CIMIP6: variants seen among roughly 807,000 people sequenced by gnomAD.
CIMIP6 encodes uncharacterized protein C2orf73.
At chr2:54,381,917 G>C in the CIMIP6 span, 2 of 1,550,624 alleles carry the variant, frequency 1.3e-6, no homozygotes, top group Admixed American at 3.9e-5. Context: ...AAAAGGAACA[G>C]AGAGATCACG....
At chr2:54,349,268 A>G in the CIMIP6 span, among the ~76,000 whole-genome samples, 6 of 152,148 alleles carry the variant, frequency 3.9e-5, no homozygotes, top group African/African-American at 1.2e-4. Context: ...TTTTATATTA[A>G]TAGTCTTTAT....
the CIMIP6 span, among the ~76,000 whole-genome samples, chr2:54,369,137 G>A: frequency 2.0e-5 from 3 of 152,122 alleles, no homozygotes; most frequent in Admixed American, 6.5e-5. Flanking sequence ...TTCCTCTCAT[G>A]ACAAGCACTT....
the CIMIP6 span, chr2:54,358,831 A>G: frequency 2.0e-6 from 1 of 503,676 alleles, no homozygotes; most frequent in Admixed American, 4.2e-5. Context: ...TATTATTTAG[A>G]TTGTGTAAAT....
chr2:54,367,533 T>C, the CIMIP6 span, among the ~76,000 whole-genome samples: 1 of 152,044 alleles, frequency 6.6e-6, no homozygotes, highest in Non-Finnish European at 1.5e-5. Flanking sequence ...TTATTGGTAA[T>C]TGGGTATTTG....
chr2:54,344,778 T>G, the CIMIP6 span, among the ~76,000 whole-genome samples: 1 of 151,938 alleles, frequency 6.6e-6, no homozygotes, highest in African/African-American at 2.4e-5. Flanking sequence ...AAAAAAGATT[T>G]GGAGAATAAA....
the CIMIP6 span, chr2:54,381,915 C>G: frequency 6.4e-7 from 1 of 1,550,530 alleles, no homozygotes; most frequent in Non-Finnish European, 8.7e-7. Context: ...AGAAAAGGAA[C>G]AGAGAGATCA....
At chr2:54,360,444 C>T in the CIMIP6 span, 1 of 1,592,402 alleles carries the variant, frequency 6.3e-7, no homozygotes, top group Non-Finnish European at 8.6e-7. Flanking sequence ...GCAGCCAAGG[C>T]ATGCCCCAGC....
At chr2:54,346,921 T>A in the CIMIP6 span, among the ~76,000 whole-genome samples, 5 of 152,252 alleles carry the variant, frequency 3.3e-5, no homozygotes, top group Non-Finnish European at 7.3e-5. Context: ...ACGGCCCTTT[T>A]TGATCTGTCA....
At chr2:54,336,577 C>G in the CIMIP6 span, among the ~76,000 whole-genome samples, 2 of 152,114 alleles carry the variant, frequency 1.3e-5, no homozygotes, top group Non-Finnish European at 2.9e-5. Context: ...GTTCTAGACA[C>G]TAGAGATACA....
At chr2:54,371,160 G>GT in the CIMIP6 span, among the ~76,000 whole-genome samples, 1 of 152,188 alleles carries the variant, frequency 6.6e-6, no homozygotes, top group African/African-American at 2.4e-5. Context: ...TTTTTAGGCT[G>GT]TTTAAGAAGA....
At chr2:54,358,444 C>G in the CIMIP6 span, among the ~76,000 whole-genome samples, 1 of 152,046 alleles carries the variant, frequency 6.6e-6, no homozygotes, top group South Asian at 2.1e-4. Context: ...CTCTTTCGCC[C>G]AGGCTGAAGC....
At chr2:54,359,033 T>C in the CIMIP6 span, 2 of 1,552,856 alleles carry the variant, frequency 1.3e-6, no homozygotes, top group Non-Finnish European at 8.7e-7. Flanking sequence ...TATACATCAA[T>C]ATGATGCCAG....
At chr2:54,335,373 A>T in the CIMIP6 span, among the ~76,000 whole-genome samples, 1 of 152,222 alleles carries the variant, frequency 6.6e-6, no homozygotes. Flanking sequence ...GTAAAATAAT[A>T]ATCATTTATT....
chr2:54,349,075 G>A, the CIMIP6 span, among the ~76,000 whole-genome samples: 1 of 152,184 alleles, frequency 6.6e-6, no homozygotes, highest in Non-Finnish European at 1.5e-5. Context: ...AAACCTTGCT[G>A]ATTATCAACA....
chr2:54,379,014 C>T, the CIMIP6 span, among the ~76,000 whole-genome samples: 181 of 152,232 alleles, frequency 1.2e-3, 1 homozygote, highest in South Asian at 4.1e-3. Flanking sequence ...AAGCTTCACA[C>T]GCAGCAGGCA....
chr2:54,379,628 G>A, the CIMIP6 span, among the ~76,000 whole-genome samples: 7 of 151,814 alleles, frequency 4.6e-5, no homozygotes, highest in Admixed American at 3.9e-4. Flanking sequence ...CTTGAGCCCA[G>A]GAGTTTGAGA....
chr2:54,370,282 G>A, the CIMIP6 span, among the ~76,000 whole-genome samples: 1 of 151,894 alleles, frequency 6.6e-6, no homozygotes. Flanking sequence ...AAAGACAAGA[G>A]AAAGAAAGAA....
At chr2:54,334,481 C>G in the CIMIP6 span, among the ~76,000 whole-genome samples, 2 of 152,150 alleles carry the variant, frequency 1.3e-5, no homozygotes, top group Non-Finnish European at 2.9e-5. Flanking sequence ...TTAACTATAG[C>G]GTGTAACTTA....
At chr2:54,355,365 GTAAAATT>G in the CIMIP6 span, among the ~76,000 whole-genome samples, 2 of 152,092 alleles carry the variant, frequency 1.3e-5, no homozygotes, top group Non-Finnish European at 2.9e-5. Context: ...CAACTAGGGT[GTAAAATT>G]TAAGGAGGCA....
Sources: allele counts gnomAD v4.1 joint callset (sites outside exome capture counted in the v4.1 genomes callset), GRCh38; gene constraint gnomAD v4.1.1; transcripts MANE v1.5; gene names NCBI Gene and HGNC (gene_info 2026-07-23, HGNC 2026-07-21).